Variants in FLT3 observed in about 807,000 individuals in gnomAD.
FLT3 encodes fms related receptor tyrosine kinase 3, also known as receptor-type tyrosine-protein kinase FLT3.
Under a neutral mutation model 126.6 loss-of-function variants are expected in FLT3, and 46 were observed. That is an observed-to-expected ratio of 0.36 (90% CI 0.29 to 0.46). The LOEUF is 0.46. Among genes scored for constraint, FLT3 ranks in the 20% least tolerant of loss-of-function variants. The probability of loss-of-function intolerance (pLI) is 1.00; values close to 1 mark genes in which losing one functional copy is unlikely to be tolerated. For missense variants in FLT3, 1,069 were observed against 1,190.3 expected, an observed-to-expected ratio of 0.90 and a Z score of 1.50; for synonymous variants, 404 against 434.4, an observed-to-expected ratio of 0.93 and a Z score of 0.87.
In FLT3 at chr13:28,061,936, T is replaced by C. The variant is rs1255132494; in HGVS notation, c.299A>G (p.Asn100Ser). ...TLQVLVDAPGNISCLWVFKHS... is the reference protein window; with the variant it reads ...TLQVLVDAPGSISCLWVFKHS... ...CTTAAAGACCCAGAGACAGGAAATG[T>C]TCCCTGGGGCGTCGACCAGCACTTG... Residue 100 changes from asparagine (N) to serine (S), a missense_variant, in exon 3 of 24, where the codon AAC becomes AGC. By Grantham distance (46) the Asn-to-Ser change is conservative. Transcript: ENST00000241453. The C allele has an allele frequency of 1.2e-6, 2 of 1,613,940 alleles. No individual in the cohort carries two copies. The highest frequency in any genetic ancestry group is 1.7e-5 in the Admixed American group (1 of 60,014).
intron 6 of FLT3, 53 bp from the exon 7 acceptor site, chr13:28,049,827 C>T: frequency 1.3e-6 from 2 of 1,569,742 alleles, no homozygotes; most frequent in South Asian, 2.3e-5. Context: ...TTTGCCTCAT[C>T]ACAAAAGATA....
intron 9 of FLT3, among the ~76,000 whole-genome samples, chr13:28,037,715 C>T (rs902164378): frequency 6.6e-6 from 1 of 152,106 alleles, no homozygotes; most frequent in Non-Finnish European, 1.5e-5. Context: ...AGGTCCCCAG[C>T]CCCCCAGCCT....
intron 2 of FLT3, among the ~76,000 whole-genome samples, chr13:28,062,387 G>A (rs568674623): frequency 3.4e-4 from 52 of 152,202 alleles, no homozygotes; most frequent in African/African-American, 1.2e-3. Context: ...GGTCTTTACA[G>A]TGGTAATCAA....
intron 1 of FLT3, among the ~76,000 whole-genome samples, chr13:28,092,385 T>A (rs1423221976): frequency 1.3e-5 from 2 of 151,966 alleles, no homozygotes; most frequent in Non-Finnish European, 2.9e-5. Context: ...CTGTTTTTTT[T>A]AGATAGGGTC....
At chr13:28,051,763 A>G (rs867999915) in intron 5 of FLT3, among the ~76,000 whole-genome samples, 2 of 146,038 alleles carry the variant, frequency 1.4e-5, no homozygotes, top group African/African-American at 5.1e-5. Context: ...AGCCAGGATG[A>G]TCTCGATCTC....
At chr13:28,052,903 A>T (rs1445018457) in intron 4 of FLT3, among the ~76,000 whole-genome samples, 1 of 152,142 alleles carries the variant, frequency 6.6e-6, no homozygotes, top group Admixed American at 6.6e-5. Context: ...TTCTTTGGGT[A>T]TTTCACAAAT....
intron 9 of FLT3, among the ~76,000 whole-genome samples, chr13:28,046,209 T>C (rs538550901): frequency 6.6e-6 from 1 of 152,240 alleles, no homozygotes; most frequent in African/African-American, 2.4e-5. Flanking sequence ...TTAATTACTT[T>C]AAAAATGAAT....
At chr13:28,093,505 A>C (rs1273794121) in intron 1 of FLT3, among the ~76,000 whole-genome samples, 2 of 152,168 alleles carry the variant, frequency 1.3e-5, no homozygotes. Context: ...AATTTGCTGA[A>C]TTACAACTTT....
chr13:28,013,713 C>T (rs974051060), intron 23 of FLT3, among the ~76,000 whole-genome samples: 13 of 152,156 alleles, frequency 8.5e-5, no homozygotes, highest in African/African-American at 2.9e-4. Context: ...AATTGGGAGA[C>T]AGAGTGGTAC....
intron 9 of FLT3, among the ~76,000 whole-genome samples, chr13:28,045,546 C>G (rs1566079608): frequency 6.6e-6 from 1 of 152,092 alleles, no homozygotes. Context: ...GAGGGGCTGA[C>G]TCTCCAACCT....
At chr13:28,067,158 G>C (rs995000206) in intron 2 of FLT3, among the ~76,000 whole-genome samples, 1 of 151,262 alleles carries the variant, frequency 6.6e-6, no homozygotes, top group Non-Finnish European at 1.5e-5. Flanking sequence ...GAGTAGCTGG[G>C]ATTACAGGCA....
chr13:28,034,935 T>A (rs2504231), intron 12 of FLT3, among the ~76,000 whole-genome samples: 102,477 of 147,732 alleles, frequency 0.69, 36,115 homozygotes, highest in Non-Finnish European at 0.77. Context: ...ACAGAGCGAG[T>A]CTCCATCTCA....
Position 28,052,539 on chromosome 13 carries a change from T to TC in FLT3, c.614+5dup. 9.3e-6 allele frequency: 15 copies of TC among 1,610,978 alleles called. No homozygotes were observed. Among genetic ancestry groups the TC allele is most frequent in the Non-Finnish European group, 1.3e-5 (15 of 1,178,656 alleles). On this transcript the variant is annotated splice_donor_region_variant and intron_variant, in intron 5 of 23. Transcript: ENST00000241453. ...GAGAATAGCAGCTACCATGGATGTG[T>TC]CATACCTTTCCCCCTGTGAATCGCA... is the stretch of plus-strand genomic sequence containing the variant.
intron 18 of FLT3, among the ~76,000 whole-genome samples, 154 bp downstream of exon 18, chr13:28,024,707 A>C (rs183539889): frequency 6.6e-6 from 1 of 152,252 alleles, no homozygotes; most frequent in Admixed American, 6.5e-5. Context: ...TGTTGACATA[A>C]AATCTACAGT....
intron 20 of FLT3, among the ~76,000 whole-genome samples, chr13:28,018,156 C>T (rs1872054042): frequency 6.6e-6 from 1 of 152,160 alleles, no homozygotes; most frequent in African/African-American, 2.4e-5. Flanking sequence ...GCTAGGATAA[C>T]TGAACTAAGT....
chr13:28,036,859 A>G (rs182958418), intron 10 of FLT3, among the ~76,000 whole-genome samples: 10 of 152,354 alleles, frequency 6.6e-5, no homozygotes, highest in Non-Finnish European at 1.5e-5. Flanking sequence ...GCGTGCCTGT[A>G]GTCCCAGCTA....
intron 9 of FLT3, among the ~76,000 whole-genome samples, chr13:28,045,658 G>A (rs373978727): frequency 3.3e-5 from 5 of 152,152 alleles, no homozygotes; most frequent in African/African-American, 1.2e-4. Context: ...TCAGGAGTTC[G>A]AGAACAGCCT....
At chr13:28,019,160 T>A (rs1304522341) in intron 19 of FLT3, among the ~76,000 whole-genome samples, 3 of 151,916 alleles carry the variant, frequency 2.0e-5, no homozygotes, top group Admixed American at 2.0e-4. Context: ...AGAGACGGCG[T>A]TTCGCCATGT....
intron 20 of FLT3, among the ~76,000 whole-genome samples, chr13:28,017,567 C>A (rs1349136867): frequency 6.6e-6 from 1 of 152,012 alleles, no homozygotes; most frequent in Non-Finnish European, 1.5e-5. Context: ...TTCAACTACA[C>A]AATTTTGTCA....
Sources: gnomAD v4.1 joint callset for allele counts (sites outside exome capture counted in the v4.1 genomes callset) on GRCh38, gnomAD v4.1.1 for gene constraint, MANE v1.5 for transcripts, NCBI Gene and HGNC (gene_info 2026-07-23, HGNC 2026-07-21) for gene names.